Variants in ALPK2 observed in about 807,000 individuals in gnomAD.
ALPK2 encodes the protein alpha kinase 2, also known as alpha-protein kinase 2.
A neutral mutation model predicts 163.1 loss-of-function variants in ALPK2; 127 were observed. The observed-to-expected ratio is 0.78, with a 90% CI of 0.67 to 0.90. The LOEUF is 0.90. Ranked by LOEUF, ALPK2 falls within the 40% of genes least tolerant of loss-of-function variation. ALPK2 has a pLI of 0.00. For synonymous variants in ALPK2, 953 were observed against 959.1 expected (o/e 0.99, Z 0.12); for missense variants, 2,360 against 2,589.6 (o/e 0.91, Z 1.92).
intron 4 of ALPK2, among the ~76,000 whole-genome samples, chr18:58,577,345 T>G (rs2051927293): frequency 6.6e-6 from 1 of 152,194 alleles, no homozygotes; most frequent in South Asian, 2.1e-4. Flanking sequence ...CTTCCACTTC[T>G]TTTGAGCTAC....
intron 1 of ALPK2, among the ~76,000 whole-genome samples, chr18:58,627,442 G>A (rs992633264): frequency 1.3e-5 from 2 of 150,904 alleles, no homozygotes; most frequent in Non-Finnish European, 3.0e-5. Context: ...CCAACATGGT[G>A]AAACCCCATC....
At chr18:58,586,470 C>T (rs1225944674) in intron 3 of ALPK2, among the ~76,000 whole-genome samples, 1 of 152,100 alleles carries the variant, frequency 6.6e-6, no homozygotes, top group Non-Finnish European at 1.5e-5. Flanking sequence ...TCAGTAAGAA[C>T]AGTTTTCTGG....
chr18:58,495,899 G>A (rs984089337), intron 12 of ALPK2, among the ~76,000 whole-genome samples: 7 of 152,196 alleles, frequency 4.6e-5, no homozygotes, highest in Non-Finnish European at 1.0e-4. Flanking sequence ...CTGGTATGAC[G>A]AGAAGCCAGG....
At chr18:58,567,699 G>A (rs765496768) in intron 4 of ALPK2, among the ~76,000 whole-genome samples, 12 of 152,218 alleles carry the variant, frequency 7.9e-5, no homozygotes, top group African/African-American at 2.9e-4. Context: ...AAGGGAACCA[G>A]AATAGCTGGA....
rs757636331 is a variant in ALPK2 at position 58,536,433 on chromosome 18, G to A, written c.3754C>T (p.Arg1252Ter). 1.7e-5 allele frequency: 27 copies of A among 1,613,998 alleles called. No individual in the cohort carries two copies. The highest frequency in any genetic ancestry group is 4.4e-5 in the South Asian group (4 of 91,076). Residue 1252 changes from arginine to a stop codon, truncating the protein, a stop_gained, in exon 5 of 13, where the codon CGA becomes TGA. Transcript: ENST00000361673. LOFTEE classifies it high-confidence loss of function. ...TTGCTCTCAGAATTTGTCAGTTGTC[G>A]TGGTGGCCAGATTTCAGAAGCGGAA... Reference protein sequence around the residue: ...EASASEIWPPRQLTNSESKAS... With the variant: ...EASASEIWPP
At chr18:58,504,722 G>A (rs7234964) in intron 10 of ALPK2, among the ~76,000 whole-genome samples, 14 of 152,050 alleles carry the variant, frequency 9.2e-5, no homozygotes, top group East Asian at 7.7e-4. Flanking sequence ...GGTGCTAAGC[G>A]CTAGGTGGGA....
intron 5 of ALPK2, among the ~76,000 whole-genome samples, chr18:58,531,411 G>C (rs985895976): frequency 6.6e-6 from 1 of 151,980 alleles, no homozygotes; most frequent in African/African-American, 2.4e-5. Flanking sequence ...TGTACCAGCC[G>C]GAAAGCAGTG....
At chr18:58,592,813 T>A (rs1055929452) in intron 3 of ALPK2, among the ~76,000 whole-genome samples, 3 of 152,196 alleles carry the variant, frequency 2.0e-5, no homozygotes, top group Non-Finnish European at 4.4e-5. Context: ...GCCCATCTGC[T>A]CCGCAGCGTT....
intron 11 of ALPK2, among the ~76,000 whole-genome samples, chr18:58,499,271 G>C (rs1194392867): frequency 6.6e-6 from 1 of 151,732 alleles, no homozygotes; most frequent in African/African-American, 2.4e-5. Flanking sequence ...ACCCTTTTTT[G>C]CATGTGCCTT....
intron 10 of ALPK2, among the ~76,000 whole-genome samples, chr18:58,512,967 G>A (rs1450277874): frequency 7.1e-6 from 1 of 141,128 alleles, no homozygotes; most frequent in African/African-American, 2.7e-5. Flanking sequence ...TATGTGTGGT[G>A]TGTGTATGTG....
chr18:58,601,149 G>A (rs1203483497), intron 3 of ALPK2, among the ~76,000 whole-genome samples: 2 of 152,074 alleles, frequency 1.3e-5, no homozygotes, highest in Admixed American at 1.3e-4. Context: ...CCAGCTACTT[G>A]GAAGGCTGAG....
chr18:58,530,848 C>T (rs12456175), intron 5 of ALPK2, among the ~76,000 whole-genome samples: 15,187 of 152,070 alleles, frequency 0.1, 869 homozygotes, highest in Middle Eastern at 0.16. Context: ...TGAGGGAAAA[C>T]GGTAGTAAAG....
intron 1 of ALPK2, among the ~76,000 whole-genome samples, chr18:58,622,844 G>T (rs1330656823): frequency 6.6e-6 from 1 of 152,054 alleles, no homozygotes; most frequent in Non-Finnish European, 1.5e-5. Flanking sequence ...CTCCAAAGCC[G>T]CTCCAACTAA....
chr18:58,517,473 G>A (rs1198675701), intron 8 of ALPK2, among the ~76,000 whole-genome samples: 3 of 152,124 alleles, frequency 2.0e-5, no homozygotes, highest in Non-Finnish European at 4.4e-5. Context: ...AAATATAAGT[G>A]GAACCAAGCA....
intron 12 of ALPK2, among the ~76,000 whole-genome samples, chr18:58,495,131 C>T (rs989344795): frequency 6.6e-6 from 1 of 152,074 alleles, no homozygotes; most frequent in African/African-American, 2.4e-5. Flanking sequence ...TCCCAGGAGC[C>T]TCTAAAGAGG....
Position 58,538,051 on chromosome 18 carries a change from G to A in ALPK2, c.2136C>T (p.Pro712=), listed in dbSNP as rs1294662372. 2 of 1,614,048 alleles carry A rather than the reference G, an allele frequency of 1.2e-6. No homozygotes were observed. Among genetic ancestry groups the A allele is most frequent in the Admixed American group, 3.3e-5 (2 of 60,008 alleles). Residue 712 remains proline, a synonymous_variant, in exon 5 of 13, where the codon CCC becomes CCT. Coordinates refer to ENST00000361673, the MANE Select transcript of ALPK2 (RefSeq NM_052947.4). The part of the protein sequence containing the change: ...ASLAQHSEVK[P]CTCGPQHEEK... The stretch of plus-strand genomic sequence containing the variant: ...CTTCATGCTGTGGACCACAGGTACA[G>A]GGTTTGACCTCCGAGTGTTGAGCTA...
rs1196417008 is a variant in ALPK2, at chr18:58,536,957, G to T, written c.3230C>A (p.Pro1077His). The T allele has an allele frequency of 1.7e-5, 27 of 1,614,056 alleles. No homozygotes were observed. The highest frequency in any genetic ancestry group is 2.2e-5 in the Non-Finnish European group (26 of 1,180,018). Residue 1077 changes from proline to histidine, a missense_variant, in exon 5 of 13, where the codon CCC (proline) becomes CAC (histidine). Physicochemically the swap from Pro to His is moderately conservative, Grantham distance 77. Coordinates refer to ENST00000361673, the MANE Select transcript of ALPK2 (RefSeq NM_052947.4). ...ATGGTGTGGGACTCCTGGCACACTG[G>T]GTGCCCTGCAAAGTAGCTCTTTTGT... ...KSTKELLCRA[P>H]SVPGVPHHVL...
At chr18:58,595,979 G>A (rs1208337060) in intron 3 of ALPK2, among the ~76,000 whole-genome samples, 2 of 152,126 alleles carry the variant, frequency 1.3e-5, no homozygotes, top group African/African-American at 4.8e-5. Context: ...CAAGGGTAAA[G>A]GTCCCCTTAT....
intron 12 of ALPK2, among the ~76,000 whole-genome samples, chr18:58,482,932 G>A (rs987952306): frequency 1.9e-4 from 29 of 152,202 alleles, no homozygotes; most frequent in Admixed American, 1.2e-3. Flanking sequence ...TGAAAGGGTA[G>A]TAGGCTATTG....
Sources: gnomAD v4.1 joint callset for allele counts (sites outside exome capture counted in the v4.1 genomes callset) on GRCh38, gnomAD v4.1.1 for gene constraint, MANE v1.5 for transcripts, NCBI Gene and HGNC (gene_info 2026-07-23, HGNC 2026-07-21) for gene names.